EYS: variants seen among roughly 807,000 people sequenced by gnomAD.
EYS encodes the protein protein eyes shut homolog.
A neutral mutation model predicts 282.1 loss-of-function variants in EYS; 250 were observed. That is an observed-to-expected ratio of 0.89 (90% CI 0.80 to 0.98). EYS has a LOEUF of 0.98. EYS is among the 50% of genes least tolerant of loss of function. EYS has a pLI of 0.00. For synonymous variants in EYS, 1,355 were observed against 1,282.9 expected (o/e 1.06, Z -1.20); for missense variants, 4,016 against 3,709.0 (o/e 1.08, Z -2.15).
intron 18 of EYS, among the ~76,000 whole-genome samples, chr6:64,887,919 T>A (rs1767150880): frequency 6.6e-6 from 1 of 152,032 alleles, no homozygotes; most frequent in Non-Finnish European, 1.5e-5. Context: ...AGGAGCAGGA[T>A]CAGTGTTTTA....
intron 5 of EYS, among the ~76,000 whole-genome samples, chr6:65,446,235 A>G (rs552154617): frequency 6.6e-6 from 1 of 151,922 alleles, no homozygotes; most frequent in East Asian, 1.9e-4. Flanking sequence ...GTAGTTTTAG[A>G]AAAAACAATA....
intron 31 of EYS, among the ~76,000 whole-genome samples, chr6:64,169,211 G>C (rs1764397771): frequency 6.6e-6 from 1 of 152,112 alleles, no homozygotes; most frequent in Admixed American, 6.6e-5. Context: ...CGAATGACAT[G>C]ATCCTCATCT....
At chr6:65,000,578 C>T (rs182338455) in intron 13 of EYS, among the ~76,000 whole-genome samples, 109 of 152,138 alleles carry the variant, frequency 7.2e-4, no homozygotes, top group Middle Eastern at 6.8e-3. Flanking sequence ...TCAAGACCAG[C>T]CTGATCAACA....
rs143816368 is a variant in EYS at position 65,178,438 on chromosome 6, C to T, written c.2023+117425G>A. On this transcript the variant is annotated intron_variant, in intron 12 of 42. Transcript: ENST00000503581. ...GAATGGGGGGTGGAGACAAGATGGACGAATAGGAACAGCTTCAGACGAAGA... is the reference window on the plus strand; with the variant it reads ...GAATGGGGGGTGGAGACAAGATGGATGAATAGGAACAGCTTCAGACGAAGA... 9.0e-3 allele frequency among the ~76,000 whole-genome samples: 1,365 copies of T among 151,858 alleles called. 10 individuals carry two copies. Among genetic ancestry groups the T allele is most frequent in the Middle Eastern group, 0.014 (4 of 294 alleles).
Position 65,122,046 on chromosome 6 carries a change from C to T in EYS, c.2024-64319G>A, listed in dbSNP as rs1354079256. ...TTTAAAATGACTTAAGAGAAAATAGCCACCTATGTCTTTTAGATAATTTGT... is the reference window on the plus strand; with the variant it reads ...TTTAAAATGACTTAAGAGAAAATAGTCACCTATGTCTTTTAGATAATTTGT... On this transcript the variant is annotated intron_variant, in intron 12 of 42. Transcript: ENST00000503581. Among the ~76,000 whole-genome samples, 5 of 152,038 alleles carry T rather than the reference C, an allele frequency of 3.3e-5. No homozygotes were observed. In the East Asian group the frequency reaches 9.7e-4, roughly 29 times the overall value.
intron 31 of EYS, among the ~76,000 whole-genome samples, chr6:64,157,195 C>A (rs2150298647): frequency 6.6e-6 from 1 of 152,098 alleles, no homozygotes; most frequent in South Asian, 2.1e-4. Context: ...TTTCCAATTT[C>A]ATCCATGTCC....
At chr6:65,091,536 C>G (rs142419890) in intron 12 of EYS, among the ~76,000 whole-genome samples, 4 of 151,742 alleles carry the variant, frequency 2.6e-5, no homozygotes, top group African/African-American at 9.7e-5. Flanking sequence ...TATTTTGTTA[C>G]GATTAAAAAT....
rs527532637 is a variant in EYS, at chr6:65,263,328, G to A, written c.2023+32535C>T. On this transcript the variant is annotated intron_variant, in intron 12 of 42. Coordinates refer to ENST00000503581, the MANE Select transcript of EYS (RefSeq NM_001142800.2). The stretch of plus-strand genomic sequence containing the variant: ...TGTACTCCAGCCGGGGTGACAGAGC[G>A]AGACCCTTTCTCAAAAATAAACAGA... 2.0e-5 allele frequency among the ~76,000 whole-genome samples: 3 copies of A among 152,122 alleles called. No individual in the cohort carries two copies. The South Asian group carries it at 6.2e-4, about 32-fold the overall frequency.
chr6:65,037,282 G>A (rs1772798842), intron 13 of EYS, among the ~76,000 whole-genome samples: 1 of 151,764 alleles, frequency 6.6e-6, no homozygotes, highest in Non-Finnish European at 1.5e-5. Context: ...ATGCAAATAA[G>A]AGAACATTGA....
chr6:64,872,113 G>T (rs1192947399), intron 19 of EYS, among the ~76,000 whole-genome samples: 1 of 151,960 alleles, frequency 6.6e-6, no homozygotes, highest in Admixed American at 6.6e-5. Flanking sequence ...CAGGTAAATA[G>T]CCTAAATAAG....
intron 22 of EYS, among the ~76,000 whole-genome samples, chr6:64,776,680 T>G (rs1425491683): frequency 6.6e-6 from 1 of 152,076 alleles, no homozygotes; most frequent in Non-Finnish European, 1.5e-5. Context: ...TTCACATATA[T>G]TTCAAATAAA....
chr6:65,277,453 T>TA (rs71268363), intron 12 of EYS, among the ~76,000 whole-genome samples: 28,558 of 136,396 alleles, frequency 0.21, 3,330 homozygotes, highest in Middle Eastern at 0.28. Context: ...GTTAATTAAT[T>TA]AAAAAAAAAA....
At chr6:64,286,153 G>A (rs529863041) in intron 30 of EYS, among the ~76,000 whole-genome samples, 16 of 152,206 alleles carry the variant, frequency 1.1e-4, no homozygotes, top group South Asian at 2.1e-4. Context: ...AGGAAACCCC[G>A]ACAGCATTTC....
intron 22 of EYS, among the ~76,000 whole-genome samples, chr6:64,724,494 A>G (rs1261583678): frequency 3.9e-5 from 6 of 152,228 alleles, no homozygotes; most frequent in Non-Finnish European, 7.3e-5. Flanking sequence ...TTGATATGCT[A>G]TCACCTTAAA....
At chr6:63,977,014 G>T (rs1003413073) in intron 35 of EYS, among the ~76,000 whole-genome samples, 1 of 150,854 alleles carries the variant, frequency 6.6e-6, no homozygotes, top group African/African-American at 2.4e-5. Flanking sequence ...TACAGTTTTT[G>T]TTTTTTTTCA....
intron 12 of EYS, among the ~76,000 whole-genome samples, chr6:65,271,485 C>T (rs1767902898): frequency 6.6e-6 from 1 of 152,030 alleles, no homozygotes. Context: ...AATTCAAATG[C>T]TAATCTCTTC....
At chr6:64,724,786 C>T (rs187925352) in intron 22 of EYS, among the ~76,000 whole-genome samples, 13 of 152,142 alleles carry the variant, frequency 8.5e-5, no homozygotes, top group Admixed American at 3.9e-4. Context: ...TCAATAATGA[C>T]TTCAAAATTA....
intron 9 of EYS, among the ~76,000 whole-genome samples, chr6:65,346,011 C>A (rs1007281717): frequency 1.3e-5 from 2 of 151,758 alleles, no homozygotes. Context: ...CTCAGTGATC[C>A]AGATTATTAT....
chr6:65,418,053 G>A (rs1456510466), intron 5 of EYS, among the ~76,000 whole-genome samples: 1 of 152,020 alleles, frequency 6.6e-6, no homozygotes, highest in Non-Finnish European at 1.5e-5. Context: ...TGAGAATGGT[G>A]TGGTAGAATT....
Sources: allele counts gnomAD v4.1 joint callset (sites outside exome capture counted in the v4.1 genomes callset), GRCh38; gene constraint gnomAD v4.1.1; transcripts MANE v1.5; gene names NCBI Gene and HGNC (gene_info 2026-07-23, HGNC 2026-07-21).